The following KCND2 variants were observed in gnomAD, a reference collection of about 807,000 sequenced individuals.
KCND2 encodes the protein A-type voltage-gated potassium channel KCND2.
Under a neutral mutation model 54.4 loss-of-function variants are expected in KCND2, and 16 were observed. That is an observed-to-expected ratio of 0.29 (90% CI 0.20 to 0.45). KCND2 has a LOEUF of 0.45. KCND2 is among the 20% of genes least tolerant of loss of function. The pLI is 1.00. For synonymous variants in KCND2, 317 were observed against 310.7 expected, an observed-to-expected ratio of 1.02 and a Z score of -0.21; for missense variants, 486 against 824.2, an observed-to-expected ratio of 0.59 and a Z score of 5.02.
At chr7:120,482,757 GTTTGTAC>G (rs1428049707) in intron 1 of KCND2, among the ~76,000 whole-genome samples, 2 of 152,014 alleles carry the variant, frequency 1.3e-5, no homozygotes, top group Non-Finnish European at 2.9e-5. Context: ...CCTAATAAGT[GTTTGTAC>G]TTTGTAAATT....
intron 1 of KCND2, among the ~76,000 whole-genome samples, chr7:120,397,954 T>G (rs1801178050): frequency 6.8e-6 from 1 of 147,446 alleles, no homozygotes; most frequent in Non-Finnish European, 1.5e-5. Flanking sequence ...TATACATAAC[T>G]ATATGTGTGT....
intron 1 of KCND2, among the ~76,000 whole-genome samples, chr7:120,396,932 A>G (rs1367295036): frequency 1.3e-5 from 2 of 152,090 alleles, no homozygotes; most frequent in African/African-American, 4.8e-5. Context: ...AGCTGATAAA[A>G]TGTCCCTCTA....
At chr7:120,322,354 A>T (rs1799903460) in intron 1 of KCND2, among the ~76,000 whole-genome samples, 1 of 152,076 alleles carries the variant, frequency 6.6e-6, no homozygotes, top group Admixed American at 6.6e-5. Context: ...AGACTCACGG[A>T]TATAAATTGC....
chr7:120,723,487 A>G (rs1792693951), intron 1 of KCND2, among the ~76,000 whole-genome samples: 1 of 152,184 alleles, frequency 6.6e-6, no homozygotes, highest in Admixed American at 6.5e-5. Context: ...TAGAGAACAG[A>G]GTCTATATTT....
intron 1 of KCND2, among the ~76,000 whole-genome samples, chr7:120,690,281 T>TA (rs1792252910): frequency 6.6e-6 from 1 of 152,220 alleles, no homozygotes. Context: ...AAATTTGCTT[T>TA]ATTATTTTTA....
intron 1 of KCND2, among the ~76,000 whole-genome samples, chr7:120,483,442 G>T (rs1802635406): frequency 6.6e-6 from 1 of 152,166 alleles, no homozygotes; most frequent in Non-Finnish European, 1.5e-5. Context: ...TGAGTTGTTT[G>T]CATGGAAGTG....
intron 1 of KCND2, among the ~76,000 whole-genome samples, chr7:120,412,028 A>G (rs993023609): frequency 2.6e-5 from 4 of 151,946 alleles, no homozygotes; most frequent in African/African-American, 9.7e-5. Context: ...ATTCACTTCA[A>G]ACAATATTGT....
intron 1 of KCND2, among the ~76,000 whole-genome samples, chr7:120,540,313 ACTCT>A (rs1357048326): frequency 2.6e-5 from 4 of 152,062 alleles, no homozygotes; most frequent in South Asian, 2.1e-4. Flanking sequence ...TATCTTTCAG[ACTCT>A]CTCCACGATT....
At chr7:120,696,340 A>G (rs1406326913) in intron 1 of KCND2, among the ~76,000 whole-genome samples, 1 of 152,202 alleles carries the variant, frequency 6.6e-6, no homozygotes, top group Non-Finnish European at 1.5e-5. Flanking sequence ...GGCCAAGATT[A>G]CTTTAGTCAT....
At chr7:120,563,100 A>G (rs572141694) in intron 1 of KCND2, among the ~76,000 whole-genome samples, 1 of 152,168 alleles carries the variant, frequency 6.6e-6, no homozygotes, top group Non-Finnish European at 1.5e-5. Context: ...CTTGTTTATC[A>G]TAGTTAGAGG....
intron 1 of KCND2, among the ~76,000 whole-genome samples, chr7:120,504,872 A>G (rs1802991007): frequency 6.6e-6 from 1 of 151,628 alleles, no homozygotes; most frequent in Admixed American, 6.6e-5. Context: ...ACTCATGAAT[A>G]TCGGTATACT....
rs149829188 is a variant in KCND2 at position 120,303,178 on chromosome 7, T to C, written c.1115+27431T>C. Among the ~76,000 whole-genome samples the C allele has an allele frequency of 7.5e-3, 1,144 of 152,256 alleles. 14 individuals are homozygous for C. The highest frequency in any genetic ancestry group is 0.026 in the African/African-American group (1,101 of 41,554). On this transcript the variant is annotated intron_variant, in intron 1 of 5. Coordinates refer to ENST00000331113, the MANE Select transcript of KCND2 (RefSeq NM_012281.3). ...AACTGTCTTGTCAGTAACATTTCCA[T>C]AGATTACAGAAAAGAAAGGTGAAAT...
chr7:120,666,920 C>A (rs1791934451), intron 1 of KCND2, among the ~76,000 whole-genome samples: 1 of 151,922 alleles, frequency 6.6e-6, no homozygotes, highest in Non-Finnish European at 1.5e-5. Context: ...TTCAATATAT[C>A]TCAGTTCTCA....
intron 1 of KCND2, among the ~76,000 whole-genome samples, chr7:120,628,574 T>G (rs1437823796): frequency 6.6e-6 from 1 of 152,212 alleles, no homozygotes; most frequent in Non-Finnish European, 1.5e-5. Context: ...AGGTTCAATA[T>G]GTAATCGAAT....
chr7:120,416,592 T>G (rs1405668296), intron 1 of KCND2, among the ~76,000 whole-genome samples: 1 of 152,192 alleles, frequency 6.6e-6, no homozygotes, highest in African/African-American at 2.4e-5. Flanking sequence ...GAGTGCCTAC[T>G]ATATGCCTGA....
chr7:120,712,117 T>C (rs1308685992), intron 1 of KCND2, among the ~76,000 whole-genome samples: 1 of 146,050 alleles, frequency 6.8e-6, no homozygotes, highest in African/African-American at 2.6e-5. Context: ...ACAAAAGCAC[T>C]GAAATAAGAA....
rs1800417314 is a variant in KCND2 at position 120,352,099 on chromosome 7, AC to A, written c.1115+76354del. 1.3e-5 allele frequency among the ~76,000 whole-genome samples: 2 copies of A among 151,626 alleles called. 1 individual carries two copies. Among genetic ancestry groups the A allele is most frequent in the Non-Finnish European group, 2.9e-5 (2 of 67,912 alleles). Reference sequence around the variant, plus strand: ...ACTATAGGCGTGCACCAACACACCCACCTAATTTTTATATTTTTAGTGGAAC... The same window carrying A: ...ACTATAGGCGTGCACCAACACACCCACTAATTTTTATATTTTTAGTGGAAC... On this transcript the variant is annotated intron_variant, in intron 1 of 5. Transcript: ENST00000331113.
intron 1 of KCND2, among the ~76,000 whole-genome samples, chr7:120,287,248 A>G (rs1799359071): frequency 6.6e-6 from 1 of 152,160 alleles, no homozygotes; most frequent in Non-Finnish European, 1.5e-5. Flanking sequence ...TTCGTAAGAA[A>G]TATACATAAT....
chr7:120,365,996 G>A (rs559679128), intron 1 of KCND2, among the ~76,000 whole-genome samples: 2 of 152,036 alleles, frequency 1.3e-5, no homozygotes, highest in Non-Finnish European at 2.9e-5. Context: ...TTGAGGGGGT[G>A]GATAACTGTG....
Sources: allele counts gnomAD v4.1 joint callset (sites outside exome capture counted in the v4.1 genomes callset), GRCh38; gene constraint gnomAD v4.1.1; transcripts MANE v1.5; gene names NCBI Gene and HGNC (gene_info 2026-07-23, HGNC 2026-07-21).